The following CD36 variants were observed in gnomAD, a reference collection of about 807,000 sequenced individuals.
CD36 encodes platelet glycoprotein 4.
In CD36, 119 loss-of-function variants were observed where a neutral mutation model predicts 55.2. The ratio of observed to expected loss-of-function variants is 2.15; its 90% CI spans 1.86 to 2.51. The LOEUF is 2.51. Ranked by LOEUF, CD36 falls within the 30% of genes most tolerant of loss-of-function variation. CD36 has a pLI of 0.00. For missense variants in CD36, 819 were observed against 555.5 expected (o/e 1.47, Z -4.77); for synonymous variants, 186 against 193.6 (o/e 0.96, Z 0.33).
chr7:80,627,591 A>G (rs1439240253), intron 1 of CD36, among the ~76,000 whole-genome samples: 1 of 151,866 alleles, frequency 6.6e-6, no homozygotes, highest in Non-Finnish European at 1.5e-5. Context: ...CTTTAAGGAG[A>G]TAGTAGATTG....
chr7:80,628,267 A>G lies in CD36; in HGVS notation c.-183-17821A>G, dbSNP rs551470081. On this transcript the variant is annotated intron_variant, in intron 1 of 13. Transcript: ENST00000309881. ...GGCACTATTTAAAACTCTGGAATAT[A>G]ATGCTAAACACTACCAGCATGATTC... 9.2e-5 allele frequency among the ~76,000 whole-genome samples: 14 copies of G among 152,208 alleles called. No homozygotes were observed. The South Asian group carries it at 2.5e-3, about 27-fold the overall frequency.
chr7:80,659,716 A>G (rs1796377342), intron 4 of CD36, among the ~76,000 whole-genome samples: 1 of 152,058 alleles, frequency 6.6e-6, no homozygotes, highest in Admixed American at 6.6e-5. Flanking sequence ...TTATGTTGCT[A>G]TTGTTTTAAT....
intron 1 of CD36, among the ~76,000 whole-genome samples, chr7:80,617,210 C>G (rs902506626): frequency 9.2e-5 from 14 of 151,894 alleles, no homozygotes; most frequent in Admixed American, 6.6e-4. Context: ...CACAGGGGAA[C>G]AACACACATG....
At chr7:80,621,919 C>A (rs28694631) in intron 1 of CD36, among the ~76,000 whole-genome samples, 14,220 of 152,262 alleles carry the variant, frequency 0.093, 769 homozygotes, top group Middle Eastern at 0.15. Context: ...GCATTGAGAA[C>A]TTGTCTTCCT....
At chr7:80,640,188 G>T (rs922230956) in intron 1 of CD36, among the ~76,000 whole-genome samples, 1 of 151,960 alleles carries the variant, frequency 6.6e-6, no homozygotes, top group African/African-American at 2.4e-5. Context: ...AAACTTGCAA[G>T]TAGCATTGTT....
rs574462991 is a variant in CD36, at chr7:80,662,561, G to T, written c.430-429G>T. 35 of 275,486 alleles carry T rather than the reference G, an allele frequency of 1.3e-4. 1 individual carries two copies. The highest frequency in any genetic ancestry group is 1.6e-3 in the Middle Eastern group (1 of 630). The allele number at this position is 275,486 out of a possible 1,614,324, so 17.1% of individuals were successfully genotyped here. ...GCCATTTCTGTCACGTGTGGCTCCA[G>T]CGCCTTTGGGACCAGACTTATGGCT... On this transcript the variant is annotated intron_variant, in intron 5 of 14. Coordinates refer to ENST00000447544, the MANE Select transcript of CD36 (RefSeq NM_001001548.3).
chr7:80,673,793 A>T (rs929626448), intron 13 of CD36, 190 bp from the exon 14 acceptor site: 16 of 619,156 alleles, frequency 2.6e-5, no homozygotes, highest in Middle Eastern at 4.3e-4. Context: ...TAGTACATTG[A>T]AGAGTACCGT....
intron 1 of CD36, among the ~76,000 whole-genome samples, chr7:80,603,907 C>T (rs1792389171): frequency 6.6e-6 from 1 of 152,054 alleles, no homozygotes; most frequent in South Asian, 2.1e-4. Flanking sequence ...GACTGCGGCT[C>T]ATTTTGCTTT....
intron 1 of CD36, among the ~76,000 whole-genome samples, chr7:80,608,195 C>T (rs912145556): frequency 3.3e-5 from 5 of 152,004 alleles, no homozygotes; most frequent in African/African-American, 1.2e-4. Flanking sequence ...TAACATATCC[C>T]CTGCAAATTA....
At chr7:80,662,201 T>C (rs1020223411) in intron 5 of CD36, 14 of 152,372 alleles carry the variant, frequency 9.2e-5, no homozygotes, top group African/African-American at 3.4e-4. Flanking sequence ...GAGGTGCATA[T>C]CTAAATTCAA....
chr7:80,609,869 G>T (rs778632818), intron 1 of CD36, among the ~76,000 whole-genome samples: 1 of 152,144 alleles, frequency 6.6e-6, no homozygotes, highest in Non-Finnish European at 1.5e-5. Context: ...TGATCTGTTG[G>T]TGAAGGGAGC....
At chr7:80,649,330 G>T (rs527937053) in intron 3 of CD36, among the ~76,000 whole-genome samples, 2 of 152,120 alleles carry the variant, frequency 1.3e-5, no homozygotes, top group Non-Finnish European at 2.9e-5. Flanking sequence ...ACAGCAGAAA[G>T]GTTGCAAAGT....
Position 80,662,348 on chromosome 7 carries a change from C to T in CD36, c.430-642C>T, listed in dbSNP as rs189589789. On this transcript the variant is annotated intron_variant, in intron 5 of 14. Transcript: ENST00000447544. ...GGAAGTCAGTTGTCCTCGTCGAAAT[C>T]GTAGTCCTCCTCATCCTCCCCAACC... 3.2e-3 allele frequency: 596 copies of T among 188,040 alleles called. 13 individuals are homozygous for T. Among genetic ancestry groups the T allele is most frequent in the Admixed American group, 0.026 (479 of 18,372 alleles). 11.6% of individuals were successfully genotyped at this position (188,040 alleles called of 1,614,324 possible).
At chr7:80,632,083 T>C (rs1794102042) in intron 1 of CD36, among the ~76,000 whole-genome samples, 1 of 151,848 alleles carries the variant, frequency 6.6e-6, no homozygotes, top group Non-Finnish European at 1.5e-5. Flanking sequence ...AGCAAAACCT[T>C]CCCTTAAGGT....
At position 80,672,848 on chromosome 7, in the gene CD36, G is replaced by A. The variant is rs200237960; in HGVS notation, c.1199+5G>A. On this transcript the variant is annotated splice_donor_5th_base_variant and intron_variant, in intron 12 of 14. Transcript: ENST00000447544. Reference sequence around the variant, plus strand: ...CAAGCCATCAGAAAAAATTCAGTGAGTCTCTTGAAAATGGTTATTTTGATA... The same window carrying A: ...CAAGCCATCAGAAAAAATTCAGTGAATCTCTTGAAAATGGTTATTTTGATA... The A allele has an allele frequency of 7.0e-5, 112 of 1,600,446 alleles. No individual in the cohort carries two copies. Among genetic ancestry groups the A allele is most frequent in the Non-Finnish European group, 8.9e-5 (104 of 1,169,124 alleles).
rs1798196210 is a variant in CD36 at position 80,677,408 on chromosome 7, G to T, written c.*1025G>T. On this transcript the variant is annotated 3_prime_UTR_variant, in exon 15 of 15. Coordinates refer to ENST00000447544, the MANE Select transcript of CD36 (RefSeq NM_001001548.3). ...CAGAAGGATACAGGACAAAGGAATAGTAACTGGCCTGTTTGGATACTAAAA... is the reference window on the plus strand; with the variant it reads ...CAGAAGGATACAGGACAAAGGAATATTAACTGGCCTGTTTGGATACTAAAA... 6.6e-6 allele frequency: 1 copy of T among 152,152 alleles called. No homozygotes were observed. Among genetic ancestry groups the T allele is most frequent in the African/African-American group, 2.4e-5 (1 of 41,446 alleles). 9.4% of individuals were successfully genotyped at this position (152,152 alleles called of 1,614,324 possible). A position where few individuals can be genotyped will look rare whatever the true frequency, so the allele number is the denominator to read the frequency against.
intron 1 of CD36, chr7:80,602,398 G>A (rs1483033830): frequency 1.3e-5 from 2 of 152,080 alleles, no homozygotes; most frequent in Middle Eastern, 3.2e-3. Flanking sequence ...AATGCTTTTT[G>A]TTTAGAAGTG....
Position 80,631,555 on chromosome 7 carries a change from A to ATT in CD36, c.-183-14521_-183-14520dup, listed in dbSNP as rs5885185. On this transcript the variant is annotated intron_variant, in intron 1 of 13. Coordinates refer to the CD36 transcript ENST00000309881. Reference sequence around the variant, plus strand: ...TTACTCTACTGCTGATAAGTTTGCAATTTTTTTTTTTTTATTTCAAGAAGA... The same window carrying ATT: ...TTACTCTACTGCTGATAAGTTTGCAATTTTTTTTTTTTTTTATTTCAAGAAGA... Among the ~76,000 whole-genome samples the ATT allele has an allele frequency of 8.8e-3, 1,298 of 147,048 alleles. 19 individuals are homozygous for ATT. Among genetic ancestry groups the ATT allele is most frequent in the African/African-American group, 0.029 (1,195 of 40,534 alleles).
At chr7:80,652,659 A>T (rs1795719267) in intron 3 of CD36, among the ~76,000 whole-genome samples, 1 of 152,216 alleles carries the variant, frequency 6.6e-6, no homozygotes, top group Non-Finnish European at 1.5e-5. Flanking sequence ...AAAGAGAAAT[A>T]TTAAAATGAT....
Sources: allele counts gnomAD v4.1 joint callset (sites outside exome capture counted in the v4.1 genomes callset), GRCh38; gene constraint gnomAD v4.1.1; transcripts MANE v1.5; gene names NCBI Gene and HGNC (gene_info 2026-07-23, HGNC 2026-07-21).